The following STOX2 variants were observed in gnomAD, a reference collection of about 807,000 sequenced individuals.
The protein encoded by STOX2 is storkhead box 2.
A neutral mutation model predicts 60.9 loss-of-function variants in STOX2; 28 were observed. The ratio of observed to expected loss-of-function variants is 0.46; its 90% CI spans 0.34 to 0.63. STOX2 has a LOEUF of 0.63. Among genes scored for constraint, STOX2 ranks in the 30% least tolerant of loss-of-function variants. STOX2 has a pLI of 0.01. For synonymous variants in STOX2, 472 were observed against 463.9 expected (o/e 1.02, Z -0.22); for missense variants, 1,024 against 1,187.7 (o/e 0.86, Z 2.03).
intron 1 of STOX2, among the ~76,000 whole-genome samples, chr4:183,897,395 C>A (rs751597345): frequency 6.6e-6 from 1 of 152,096 alleles, no homozygotes; most frequent in Admixed American, 6.5e-5. Flanking sequence ...TACTTGAAGT[C>A]TTGTGGGTAT....
chr4:183,818,103 A>T (rs1210648018), intron 1 of STOX2, among the ~76,000 whole-genome samples: 5 of 147,288 alleles, frequency 3.4e-5, no homozygotes, highest in Admixed American at 2.0e-4. Flanking sequence ...TTTTAGTATA[A>T]TTTTTTTTTT....
At chr4:183,994,979 G>T (rs1050174165) in intron 1 of STOX2, among the ~76,000 whole-genome samples, 2 of 152,134 alleles carry the variant, frequency 1.3e-5, no homozygotes, top group African/African-American at 2.4e-5. Flanking sequence ...ATGGAGGCTG[G>T]TACTTTCCAG....
chr4:183,902,883 C>T (rs1174902588), upstream of STOX2, among the ~76,000 whole-genome samples: 1 of 152,200 alleles, frequency 6.6e-6, no homozygotes, highest in Non-Finnish European at 1.5e-5. Context: ...TAGTTGGCCA[C>T]GAACACTGGA....
chr4:183,953,365 C>T (rs1221481900), intron 1 of STOX2, among the ~76,000 whole-genome samples: 1 of 152,024 alleles, frequency 6.6e-6, no homozygotes, highest in Non-Finnish European at 1.5e-5. Context: ...ACCTCCTAGC[C>T]CCACACCTGG....
chr4:183,835,020 A>G (rs1286810543), intron 1 of STOX2, among the ~76,000 whole-genome samples: 1 of 152,108 alleles, frequency 6.6e-6, no homozygotes, highest in Non-Finnish European at 1.5e-5. Flanking sequence ...GATGCAATAC[A>G]GTGTCGTGGA....
At chr4:183,864,605 G>C (rs187978688) in intron 1 of STOX2, among the ~76,000 whole-genome samples, 175 of 152,174 alleles carry the variant, frequency 1.1e-3, no homozygotes, top group African/African-American at 3.8e-3. Flanking sequence ...TGTTGGCCAG[G>C]CTGGTCTCGA....
intron 1 of STOX2, among the ~76,000 whole-genome samples, chr4:183,986,270 T>C (rs1194404780): frequency 6.6e-6 from 1 of 152,262 alleles, no homozygotes; most frequent in East Asian, 1.9e-4. Context: ...TGATCAAGCA[T>C]ACAAGGTAAA....
chr4:183,813,233 A>T (rs956897544), intron 1 of STOX2, among the ~76,000 whole-genome samples: 6 of 152,078 alleles, frequency 3.9e-5, no homozygotes, highest in Non-Finnish European at 8.8e-5. Flanking sequence ...AAATACAAAA[A>T]TTAGCCGGGC....
chr4:183,798,924 T>C (rs553451179), intron 1 of STOX2: 1 of 147,296 alleles, frequency 6.8e-6, no homozygotes, highest in African/African-American at 3.6e-5. Flanking sequence ...TATTACATAG[T>C]AAATAGTAAA....
At chr4:183,934,120 A>G (rs1033086281) in intron 1 of STOX2, among the ~76,000 whole-genome samples, 1 of 150,820 alleles carries the variant, frequency 6.6e-6, no homozygotes, top group Non-Finnish European at 1.5e-5. Flanking sequence ...CCTGGCCAAC[A>G]TGCAAAACTC....
intron 1 of STOX2, among the ~76,000 whole-genome samples, chr4:183,867,658 C>T (rs1056532493): frequency 6.6e-6 from 1 of 152,158 alleles, no homozygotes; most frequent in African/African-American, 2.4e-5. Context: ...TTTAATAAGT[C>T]GGGGTATATT....
chr4:183,849,513 A>G (rs1347487738), intron 1 of STOX2, among the ~76,000 whole-genome samples: 1 of 152,240 alleles, frequency 6.6e-6, no homozygotes, highest in Admixed American at 6.5e-5. Context: ...GAAAGAAGAC[A>G]ATGCTGGAGG....
chr4:183,949,345 T>C (rs1742997933), intron 1 of STOX2, among the ~76,000 whole-genome samples: 1 of 152,212 alleles, frequency 6.6e-6, no homozygotes, highest in Admixed American at 6.5e-5. Context: ...TCTCTTTTTG[T>C]CTTTGATTTT....
chr4:183,882,615 T>G (rs1257689080), intron 1 of STOX2, among the ~76,000 whole-genome samples: 1 of 152,160 alleles, frequency 6.6e-6, no homozygotes, highest in East Asian at 1.9e-4. Flanking sequence ...GTTGACCAAA[T>G]GCACTGTAGA....
intron 1 of STOX2, among the ~76,000 whole-genome samples, chr4:183,858,200 A>G (rs115085790): frequency 0.012 from 1,786 of 152,212 alleles, 33 homozygotes; most frequent in African/African-American, 0.04. Flanking sequence ...CTCCCGGATG[A>G]CCTATCCACA....
chr4:183,867,092 A>G (rs1219334902), intron 1 of STOX2, among the ~76,000 whole-genome samples: 2 of 151,958 alleles, frequency 1.3e-5, no homozygotes, highest in Admixed American at 6.6e-5. Flanking sequence ...TTCAATCACC[A>G]TGTTGTTTCG....
In STOX2 at chr4:183,960,696, C is replaced by A. The variant is rs150388874; in HGVS notation, c.167-40629C>A. On this transcript the variant is annotated intron_variant, in intron 1 of 3. Transcript: ENST00000308497. ...TTAAAGCCTTTTATCTATAATGAGTCGTAAGGGCCATAAAGGGGGATGTAA... is the reference window on the plus strand; with the variant it reads ...TTAAAGCCTTTTATCTATAATGAGTAGTAAGGGCCATAAAGGGGGATGTAA... Among the ~76,000 whole-genome samples, 1,244 of 152,138 alleles carry A rather than the reference C, an allele frequency of 8.2e-3. 17 individuals carry two copies. The highest frequency in any genetic ancestry group is 0.028 in the African/African-American group (1,161 of 41,516).
Position 183,906,830 on chromosome 4 carries a change from C to A in STOX2, c.40C>A (p.Pro14Thr). 6.4e-7 allele frequency: 1 copy of A among 1,557,576 alleles called. No homozygotes were observed. Among genetic ancestry groups the A allele is most frequent in the Non-Finnish European group, 8.7e-7 (1 of 1,150,786 alleles). Residue 14 changes from proline (P) to threonine (T), a missense_variant, in exon 1 of 4, where the codon CCT becomes ACT. Around this residue, in one of 3 missense-constraint regions of STOX2, gnomAD observed 98 missense variants for 110.2 expected, o/e 0.89. Coordinates refer to ENST00000308497, the MANE Select transcript of STOX2 (RefSeq NM_020225.3). ...TRSTTLRRAW[P>T]SSDFSDRASD... Reference sequence around the variant, plus strand: ...GAGCACAACCTTGCGGCGAGCCTGGCCTAGCTCGGATTTCTCGGACCGGGC... The same window carrying A: ...GAGCACAACCTTGCGGCGAGCCTGGACTAGCTCGGATTTCTCGGACCGGGC...
At chr4:183,869,288 T>C (rs1487954895) in intron 1 of STOX2, among the ~76,000 whole-genome samples, 1 of 152,212 alleles carries the variant, frequency 6.6e-6, no homozygotes, top group African/African-American at 2.4e-5. Flanking sequence ...AATTGTTCGA[T>C]GGGCCTAGAA....
Sources: allele counts gnomAD v4.1 joint callset (sites outside exome capture counted in the v4.1 genomes callset), GRCh38; gene constraint gnomAD v4.1.1; regional missense constraint gnomAD v4.1.1; transcripts MANE v1.5; gene names NCBI Gene and HGNC (gene_info 2026-07-23, HGNC 2026-07-21).